SNTG1: variants seen among roughly 807,000 people sequenced by gnomAD.
The protein encoded by SNTG1 is gamma-1-syntrophin.
Under a neutral mutation model 74.7 loss-of-function variants are expected in SNTG1, and 39 were observed. That is an observed-to-expected ratio of 0.52 (90% CI 0.40 to 0.68). The LOEUF is 0.68. Among genes scored for constraint, SNTG1 ranks in the 30% least tolerant of loss-of-function variants. SNTG1 has a pLI of 0.00. For synonymous variants in SNTG1, 254 were observed against 217.1 expected (o/e 1.17, Z -1.49); for missense variants, 685 against 609.5 (o/e 1.12, Z -1.30).
chr8:50,254,562 A>G (rs766062677), intron 2 of SNTG1, among the ~76,000 whole-genome samples: 1 of 152,172 alleles, frequency 6.6e-6, no homozygotes, highest in Non-Finnish European at 1.5e-5. Context: ...ATAGAAACAA[A>G]CAGGGCCAGG....
chr8:50,719,361 A>G lies in SNTG1; in HGVS notation c.1284+10383A>G, dbSNP rs181549758. Among the ~76,000 whole-genome samples the G allele has an allele frequency of 2.5e-3, 384 of 152,268 alleles. 1 individual carries two copies. The highest frequency in any genetic ancestry group is 8.7e-3 in the African/African-American group (360 of 41,552). On this transcript the variant is annotated intron_variant, in intron 17 of 18. Coordinates refer to ENST00000642720, the MANE Select transcript of SNTG1 (RefSeq NM_018967.5). ...CCTTTTTGCCCTTCCTCCTTCTGCC[A>G]CGGGAGAAGGCAGCAACAAGGCACT... is the stretch of plus-strand genomic sequence containing the variant.
At position 49,998,587 on chromosome 8, in the gene SNTG1, GACACAC is replaced by G. The variant is rs56162374; in HGVS notation, c.-103+86390_-103+86395del. Among the ~76,000 whole-genome samples the G allele has an allele frequency of 4.0e-3, 544 of 136,906 alleles. 2 individuals carry two copies. The highest frequency in any genetic ancestry group is 0.012 in the African/African-American group (462 of 38,230). 89.8% of individuals were successfully genotyped at this position (136,906 alleles called of 152,430 possible). A position where few individuals can be genotyped will look rare whatever the true frequency, so the allele number is the denominator to read the frequency against. On this transcript the variant is annotated intron_variant, in intron 1 of 18. Transcript: ENST00000642720. ...ACTTAAGCATTTTGTTAAAAATTAA[GACACAC>G]ACACACACACACACACACACACACA...
At chr8:50,671,298 A>C (rs2095281163) in intron 15 of SNTG1, among the ~76,000 whole-genome samples, 1 of 151,886 alleles carries the variant, frequency 6.6e-6, no homozygotes, top group African/African-American at 2.4e-5. Context: ...TACTCATCTG[A>C]CAAAGGGCTA....
At chr8:50,192,294 T>C (rs949949269) in intron 2 of SNTG1, among the ~76,000 whole-genome samples, 9 of 152,190 alleles carry the variant, frequency 5.9e-5, no homozygotes, top group East Asian at 1.9e-4. Flanking sequence ...ATCTGCTTTT[T>C]AGGTTTGAGA....
At chr8:50,552,466 T>G (rs908394358) in intron 11 of SNTG1, among the ~76,000 whole-genome samples, 1 of 152,146 alleles carries the variant, frequency 6.6e-6, no homozygotes, top group Non-Finnish European at 1.5e-5. Context: ...TCCATGCAAA[T>G]GGAGAGCATG....
intron 2 of SNTG1, among the ~76,000 whole-genome samples, chr8:50,180,084 A>G (rs1233028588): frequency 6.6e-6 from 1 of 152,234 alleles, no homozygotes; most frequent in Non-Finnish European, 1.5e-5. Flanking sequence ...TGTACATAAT[A>G]TAATACTATT....
chr8:50,430,210 GC>G (rs1157436424), intron 4 of SNTG1, among the ~76,000 whole-genome samples: 2 of 152,024 alleles, frequency 1.3e-5, no homozygotes, highest in African/African-American at 4.8e-5. Flanking sequence ...TGAATTGCAC[GC>G]TTTAAATGGG....
intron 2 of SNTG1, among the ~76,000 whole-genome samples, chr8:50,294,389 G>A (rs1356417825): frequency 3.3e-5 from 5 of 152,134 alleles, no homozygotes; most frequent in Non-Finnish European, 5.9e-5. Flanking sequence ...CAGAACTATA[G>A]GACATGTGTA....
In SNTG1 at chr8:50,533,097, A is replaced by C. The variant is rs114956223; in HGVS notation, c.549+2838A>C. Among the ~76,000 whole-genome samples the C allele has an allele frequency of 7.6e-3, 1,152 of 152,342 alleles. 19 individuals carry two copies. The highest frequency in any genetic ancestry group is 0.026 in the African/African-American group (1,100 of 41,586). ...CGCGACATCACTAATTTGAAGGTAC[A>C]TGAAAGTCACTTGTTTTGCCAACCA... On this transcript the variant is annotated intron_variant, in intron 10 of 18. Transcript: ENST00000642720.
chr8:50,141,487 C>A (rs896480921), intron 1 of SNTG1, among the ~76,000 whole-genome samples: 1 of 152,022 alleles, frequency 6.6e-6, no homozygotes, highest in Non-Finnish European at 1.5e-5. Flanking sequence ...TCAAACCTAC[C>A]TAAACGCTTG....
intron 1 of SNTG1, among the ~76,000 whole-genome samples, chr8:50,146,241 G>A (rs2131501862): frequency 6.6e-6 from 1 of 152,206 alleles, no homozygotes; most frequent in African/African-American, 2.4e-5. Context: ...TGCTTGGCCA[G>A]GTGTGGTGGC....
intron 2 of SNTG1, among the ~76,000 whole-genome samples, chr8:50,240,202 G>A (rs970697961): frequency 3.9e-5 from 6 of 152,158 alleles, no homozygotes; most frequent in Admixed American, 3.9e-4. Context: ...TAACAGAAAA[G>A]GAAATAAGCC....
At chr8:50,447,333 CTGA>C (rs965866397) in intron 5 of SNTG1, among the ~76,000 whole-genome samples, 1 of 152,172 alleles carries the variant, frequency 6.6e-6, no homozygotes, top group African/African-American at 2.4e-5. Flanking sequence ...GGAAAATACT[CTGA>C]TAACAGCCTC....
chr8:50,685,996 G>A (rs568949834), intron 15 of SNTG1, among the ~76,000 whole-genome samples: 1 of 152,054 alleles, frequency 6.6e-6, no homozygotes, highest in South Asian at 2.1e-4. Flanking sequence ...AACATGTACG[G>A]GATTCAGTGT....
chr8:50,525,186 T>A (rs2094210147), intron 9 of SNTG1, among the ~76,000 whole-genome samples: 1 of 152,178 alleles, frequency 6.6e-6, no homozygotes, highest in African/African-American at 2.4e-5. Context: ...CTTTCAGCAC[T>A]TTGAATATAT....
intron 1 of SNTG1, among the ~76,000 whole-genome samples, chr8:50,112,006 A>G (rs1346768298): frequency 6.6e-6 from 1 of 152,154 alleles, no homozygotes; most frequent in Non-Finnish European, 1.5e-5. Context: ...AATTATTTTA[A>G]GAAAATTATA....
At chr8:50,541,948 C>T (rs2094350333) in intron 11 of SNTG1, among the ~76,000 whole-genome samples, 1 of 151,612 alleles carries the variant, frequency 6.6e-6, no homozygotes, top group African/African-American at 2.4e-5. Flanking sequence ...GATTATTTCA[C>T]TCAATATAAT....
chr8:50,222,423 A>C (rs1210885705), intron 2 of SNTG1, among the ~76,000 whole-genome samples: 1 of 152,190 alleles, frequency 6.6e-6, no homozygotes, highest in Non-Finnish European at 1.5e-5. Context: ...TTTTCTGACT[A>C]TTATAATTTT....
At chr8:50,553,024 A>G (rs2094436153) in intron 11 of SNTG1, 26 bp from the exon 12 acceptor site, 2 of 1,612,890 alleles carry the variant, frequency 1.2e-6, no homozygotes, top group Non-Finnish European at 1.7e-6. Flanking sequence ...TGAGGTTTTG[A>G]TCTGATTTGT....
Sources: gnomAD v4.1 joint callset for allele counts (sites outside exome capture counted in the v4.1 genomes callset) on GRCh38, gnomAD v4.1.1 for gene constraint, MANE v1.5 for transcripts, NCBI Gene and HGNC (gene_info 2026-07-23, HGNC 2026-07-21) for gene names.